UBTD2: variants seen among roughly 807,000 people sequenced by gnomAD.
UBTD2 encodes the protein ubiquitin domain containing 2, also known as ubiquitin domain-containing protein 2.
In UBTD2, 9 loss-of-function variants were observed where a neutral mutation model predicts 19.8. The ratio of observed to expected loss-of-function variants is 0.46; its 90% CI spans 0.27 to 0.79. The LOEUF (loss-of-function observed/expected upper bound fraction) is 0.79. UBTD2 is among the 30% of genes least tolerant of loss of function. The pLI, the probability that UBTD2 is intolerant of heterozygous loss-of-function variation, is 0.14. For missense variants in UBTD2, 250 were observed against 300.4 expected (o/e 0.83, Z 1.24); for synonymous variants, 98 against 103.9 (o/e 0.94, Z 0.35).
At chr5:172,221,241 T>C (rs1771643319) in intron 2 of UBTD2, among the ~76,000 whole-genome samples, 1 of 152,184 alleles carries the variant, frequency 6.6e-6, no homozygotes, top group South Asian at 2.1e-4. Flanking sequence ...CAGTGGTTCA[T>C]GCCTGCAATC....
chr5:172,216,105 C>T lies in UBTD2; in HGVS notation c.308-3878G>A, dbSNP rs542110859. 7.9e-5 allele frequency among the ~76,000 whole-genome samples: 12 copies of T among 151,786 alleles called. No individual in the cohort carries two copies. In the East Asian group the frequency reaches 1.5e-3, roughly 20 times the overall value. On this transcript the variant is annotated intron_variant, in intron 2 of 2. Coordinates refer to ENST00000393792, the MANE Select transcript of UBTD2 (RefSeq NM_152277.3). ...TTGCTTGAACCTGGGAGGCAGAGGT[C>T]GCAGTGAGCTGAGATTGCGCCACTG...
In UBTD2 at chr5:172,276,207, A is replaced by AT. The variant is rs1012143018; in HGVS notation, c.70+7388dup. On this transcript the variant is annotated intron_variant, in intron 1 of 2. Transcript: ENST00000393792. The stretch of plus-strand genomic sequence containing the variant: ...ACTGTAAATTCCTTTGAGGGCAGAG[A>AT]TTTTTTTTTCCCTGTTGTAATCCCA... Among the ~76,000 whole-genome samples, 12 of 151,428 alleles carry AT rather than the reference A, an allele frequency of 7.9e-5. 1 individual carries two copies. The highest frequency in any genetic ancestry group is 1.9e-4 in the East Asian group (1 of 5,186).
intron 1 of UBTD2, among the ~76,000 whole-genome samples, chr5:172,276,418 A>G (rs1488033601): frequency 6.6e-6 from 1 of 152,094 alleles, no homozygotes; most frequent in Non-Finnish European, 1.5e-5. Flanking sequence ...CACTTTACCA[A>G]CGATTACCCC....
intron 1 of UBTD2, among the ~76,000 whole-genome samples, chr5:172,251,711 T>C (rs984698476): frequency 7.9e-5 from 12 of 152,074 alleles, no homozygotes; most frequent in African/African-American, 2.9e-4. Context: ...GGGTTTCCTA[T>C]ACAAAAGCTG....
intron 1 of UBTD2, among the ~76,000 whole-genome samples, chr5:172,250,852 G>A (rs1299285106): frequency 3.5e-5 from 5 of 143,318 alleles, no homozygotes; most frequent in African/African-American, 1.0e-4. Flanking sequence ...TGGATCACCC[G>A]AGCTCAGGAA....
intron 2 of UBTD2, among the ~76,000 whole-genome samples, chr5:172,225,379 C>A: frequency 6.6e-6 from 1 of 152,144 alleles, no homozygotes; most frequent in Non-Finnish European, 1.5e-5. Context: ...AAATATTCCA[C>A]TAGAAAATAA....
chr5:172,228,398 T>C (rs963743858), intron 2 of UBTD2, among the ~76,000 whole-genome samples: 4 of 152,146 alleles, frequency 2.6e-5, no homozygotes, highest in African/African-American at 9.7e-5. Context: ...TTGTAGGTGA[T>C]TATTACAGGC....
chr5:172,259,369 C>A (rs1755221644), intron 1 of UBTD2, among the ~76,000 whole-genome samples: 1 of 151,984 alleles, frequency 6.6e-6, no homozygotes, highest in South Asian at 2.1e-4. Flanking sequence ...TCTTGAACTC[C>A]TGACCTCATG....
intron 2 of UBTD2, among the ~76,000 whole-genome samples, chr5:172,216,634 A>G (rs1045256167): frequency 2.1e-5 from 3 of 145,328 alleles, no homozygotes; most frequent in Non-Finnish European, 3.0e-5. Context: ...GAGGGGGGAA[A>G]AAACAGCTTA....
At chr5:172,262,525 T>C (rs570682944) in intron 1 of UBTD2, among the ~76,000 whole-genome samples, 10 of 149,174 alleles carry the variant, frequency 6.7e-5, no homozygotes, top group African/African-American at 2.2e-4. Flanking sequence ...AAATCTATCA[T>C]TAACAGCCAG....
intron 1 of UBTD2, among the ~76,000 whole-genome samples, chr5:172,257,159 G>C (rs1261301164): frequency 6.6e-6 from 1 of 152,108 alleles, no homozygotes; most frequent in African/African-American, 2.4e-5. Context: ...CCCTCAAGGA[G>C]GTCCCAGTGA....
intron 1 of UBTD2, chr5:172,254,684 C>T: frequency 1.8e-6 from 1 of 554,484 alleles, no homozygotes; most frequent in Non-Finnish European, 3.2e-6. Flanking sequence ...AGGTCTCTTC[C>T]CAGGCTGCAA....
chr5:172,216,654 G>A (rs905321142), intron 2 of UBTD2, among the ~76,000 whole-genome samples: 1 of 148,636 alleles, frequency 6.7e-6, no homozygotes, highest in Non-Finnish European at 1.5e-5. Flanking sequence ...ACCCACAGAG[G>A]AGCAAAGAAA....
intron 2 of UBTD2, among the ~76,000 whole-genome samples, chr5:172,226,472 C>T (rs1771768124): frequency 1.3e-5 from 2 of 152,152 alleles, no homozygotes; most frequent in African/African-American, 4.8e-5. Flanking sequence ...TTGCCTAGTA[C>T]ATATAACAAA....
At chr5:172,242,302 T>C (rs891055534) in intron 1 of UBTD2, 1 of 827,110 alleles carries the variant, frequency 1.2e-6, no homozygotes, top group Non-Finnish European at 1.5e-6. Flanking sequence ...ATCGTTGTCA[T>C]ACCTAAGAAA....
chr5:172,263,516 C>T (rs546478408), intron 1 of UBTD2, among the ~76,000 whole-genome samples: 2 of 152,220 alleles, frequency 1.3e-5, no homozygotes, highest in African/African-American at 4.8e-5. Flanking sequence ...GAGTAGGGGC[C>T]GGGTGCGGTG....
At chr5:172,229,660 GAGGA>G (rs933407897) in intron 2 of UBTD2, among the ~76,000 whole-genome samples, 1 of 152,140 alleles carries the variant, frequency 6.6e-6, no homozygotes, top group African/African-American at 2.4e-5. Context: ...TCAGGAGGTA[GAGGA>G]AGGGAGTAGG....
At chr5:172,239,302 T>C (rs889279875) in intron 1 of UBTD2, among the ~76,000 whole-genome samples, 2 of 152,124 alleles carry the variant, frequency 1.3e-5, no homozygotes, top group East Asian at 3.9e-4. Flanking sequence ...AAAGTCCAGA[T>C]CTCACTGGGT....
At chr5:172,230,942 C>T (rs921653306) in intron 2 of UBTD2, among the ~76,000 whole-genome samples, 1 of 152,102 alleles carries the variant, frequency 6.6e-6, no homozygotes, top group African/African-American at 2.4e-5. Context: ...TGCCACAAGG[C>T]CTGGCTAATC....
Sources: allele counts gnomAD v4.1 joint callset (sites outside exome capture counted in the v4.1 genomes callset), GRCh38; gene constraint gnomAD v4.1.1; transcripts MANE v1.5; gene names NCBI Gene and HGNC (gene_info 2026-07-23, HGNC 2026-07-21).